The following ITSN1 variants were observed in gnomAD, a reference collection of about 807,000 sequenced individuals.
ITSN1 encodes the protein intersectin-1.
ITSN1 carries 58 observed loss-of-function variants against 239.8 expected under a neutral mutation model. The ratio of observed to expected loss-of-function variants is 0.24; its 90% CI spans 0.20 to 0.30. The LOEUF is 0.30. Ranked by LOEUF, ITSN1 falls within the 10% of genes least tolerant of loss-of-function variation. ITSN1 has a pLI of 1.00. For missense variants in ITSN1, 1,558 were observed against 2,103.3 expected, an observed-to-expected ratio of 0.74 and a Z score of 5.07; for synonymous variants, 780 against 770.8, an observed-to-expected ratio of 1.01 and a Z score of -0.20.
At chr21:33,725,146 T>G (rs1601853118) in intron 4 of ITSN1, among the ~76,000 whole-genome samples, 2 of 145,616 alleles carry the variant, frequency 1.4e-5, no homozygotes, top group African/African-American at 5.0e-5. Context: ...TTTTTTTTTT[T>G]TTTTTTGAGA....
intron 4 of ITSN1, among the ~76,000 whole-genome samples, chr21:33,734,220 T>G (rs1456412809): frequency 6.6e-6 from 1 of 152,222 alleles, no homozygotes; most frequent in Non-Finnish European, 1.5e-5. Context: ...GTTTTGATGA[T>G]ATAATGTAGT....
At chr21:33,811,621 A>G (rs917780144) in intron 21 of ITSN1, among the ~76,000 whole-genome samples, 1 of 152,208 alleles carries the variant, frequency 6.6e-6, no homozygotes, top group Non-Finnish European at 1.5e-5. Context: ...CAAAAATTGA[A>G]TTCAGTCATG....
In ITSN1 at chr21:33,676,964, C is replaced by A. The variant is rs180694995; in HGVS notation, c.-33+34251C>A. 2.3e-3 allele frequency among the ~76,000 whole-genome samples: 336 copies of A among 147,612 alleles called. 1 individual carries two copies. Among genetic ancestry groups the A allele is most frequent in the African/African-American group, 8.2e-3 (327 of 39,764 alleles). On this transcript the variant is annotated intron_variant, in intron 1 of 39. Transcript: ENST00000381318. ...AGGTGGGAATTGAACAATGAGAACA[C>A]TTGGACACAGGGTGGGGAACATCAC...
intron 6 of ITSN1, 39 bp downstream of exon 6, chr21:33,750,361 A>G (rs772498275): frequency 1.3e-6 from 2 of 1,566,826 alleles, no homozygotes; most frequent in South Asian, 2.2e-5. Flanking sequence ...AGTTTTTACT[A>G]CTTGTATTTT....
chr21:33,736,370 A>C (rs180754465), intron 5 of ITSN1, among the ~76,000 whole-genome samples: 121 of 152,352 alleles, frequency 7.9e-4, no homozygotes, highest in African/African-American at 2.8e-3. Context: ...TTTCCTATTA[A>C]AAACAATGTA....
chr21:33,720,446 A>C (rs1231222032), intron 2 of ITSN1, among the ~76,000 whole-genome samples: 8 of 152,210 alleles, frequency 5.3e-5, no homozygotes, highest in Non-Finnish European at 2.9e-5. Context: ...CCTAGGACTA[A>C]AGTCTGCAAG....
chr21:33,877,314 A>G (rs1256500830), intron 34 of ITSN1, among the ~76,000 whole-genome samples: 1 of 152,006 alleles, frequency 6.6e-6, no homozygotes, highest in Non-Finnish European at 1.5e-5. Context: ...TCAGCCTCCC[A>G]AAGTGCTGGG....
At chr21:33,680,704 T>C (rs2090899973) in intron 1 of ITSN1, among the ~76,000 whole-genome samples, 1 of 151,724 alleles carries the variant, frequency 6.6e-6, no homozygotes, top group South Asian at 2.1e-4. Flanking sequence ...TCTGAAGTCC[T>C]GCCCAGACTT....
chr21:33,778,889 C>T (rs1236957784), intron 14 of ITSN1, among the ~76,000 whole-genome samples: 1 of 152,002 alleles, frequency 6.6e-6, no homozygotes, highest in Non-Finnish European at 1.5e-5. Context: ...ATAATATTCT[C>T]TTATTGTATG....
intron 6 of ITSN1, 103 bp downstream of exon 6, chr21:33,750,425 AT>A: frequency 9.4e-7 from 1 of 1,064,178 alleles, no homozygotes; most frequent in Non-Finnish European, 1.4e-6. Context: ...TTTAAATGAT[AT>A]TTTAGTCCAG....
chr21:33,655,583 A>ATTTTTTTTTTTTTTTTT (rs756792867), intron 1 of ITSN1, among the ~76,000 whole-genome samples: 1 of 126,092 alleles, frequency 7.9e-6, no homozygotes, highest in Non-Finnish European at 1.6e-5. Context: ...TGCCTGGCTA[A>ATTTTTTTTTTTTTTTTT]TTTTTTTTTT....
intron 30 of ITSN1, 86 bp downstream of exon 30, chr21:33,856,943 G>A (rs1658896749): frequency 2.3e-6 from 3 of 1,318,346 alleles, no homozygotes; most frequent in Non-Finnish European, 3.2e-6. Context: ...TCTATGTCCT[G>A]ATTCTGAGCC....
intron 1 of ITSN1, among the ~76,000 whole-genome samples, chr21:33,701,001 A>T (rs2091985818): frequency 7.3e-6 from 1 of 136,124 alleles, no homozygotes; most frequent in African/African-American, 2.8e-5. Flanking sequence ...TTTCTTATAG[A>T]TGTGGTCTCA....
chr21:33,794,611 C>A, intron 17 of ITSN1, 143 bp downstream of exon 17: 3 of 1,148,002 alleles, frequency 2.6e-6, no homozygotes, highest in Non-Finnish European at 3.7e-6. Context: ...CAAACACAAA[C>A]ACGTGTATAT....
intron 29 of ITSN1, among the ~76,000 whole-genome samples, chr21:33,842,250 T>G (rs1349372911): frequency 6.6e-6 from 1 of 152,138 alleles, no homozygotes; most frequent in Non-Finnish European, 1.5e-5. Context: ...GCTTCCAGAG[T>G]GTCTCCTGAC....
chr21:33,831,143 C>T (rs936802323), intron 27 of ITSN1, among the ~76,000 whole-genome samples: 7 of 152,186 alleles, frequency 4.6e-5, no homozygotes, highest in Non-Finnish European at 8.8e-5. Context: ...CTCCCCGCAT[C>T]CTCCCCCATC....
In ITSN1 at chr21:33,654,171, C is replaced by A. The variant is rs544734142; in HGVS notation, c.-33+11458C>A. 2.0e-5 allele frequency among the ~76,000 whole-genome samples: 3 copies of A among 152,004 alleles called. No homozygotes were observed. In the South Asian group the frequency reaches 6.2e-4, roughly 32 times the overall value. Reference sequence around the variant, plus strand: ...AAGGAATCCTCCCACCTCAGCCTCCCAAGTAGCTTTGACTACAGCCACAGC... The same window carrying A: ...AAGGAATCCTCCCACCTCAGCCTCCAAAGTAGCTTTGACTACAGCCACAGC... On this transcript the variant is annotated intron_variant, in intron 1 of 39. Coordinates refer to ENST00000381318, the MANE Select transcript of ITSN1 (RefSeq NM_003024.3).
intron 34 of ITSN1, among the ~76,000 whole-genome samples, chr21:33,876,113 CTT>C (rs1386937432): frequency 1.3e-5 from 1 of 79,234 alleles, no homozygotes; most frequent in Non-Finnish European, 2.3e-5. Context: ...TTCTTTCTTT[CTT>C]TCTTTCTTTC....
At chr21:33,807,503 A>T (rs1359385456) in intron 20 of ITSN1, among the ~76,000 whole-genome samples, 2 of 152,092 alleles carry the variant, frequency 1.3e-5, no homozygotes, top group Admixed American at 6.5e-5. Flanking sequence ...ACGCCCGGCT[A>T]ATTTTTGTAT....
Sources: allele counts gnomAD v4.1 joint callset (sites outside exome capture counted in the v4.1 genomes callset), GRCh38; gene constraint gnomAD v4.1.1; transcripts MANE v1.5; gene names NCBI Gene and HGNC (gene_info 2026-07-23, HGNC 2026-07-21).